The following TFDP2 variants were observed in gnomAD, a reference collection of about 807,000 sequenced individuals.
The protein encoded by TFDP2 is transcription factor Dp-2 (E2F dimerization partner 2).
A neutral mutation model predicts 59.3 loss-of-function variants in TFDP2; 17 were observed. The observed-to-expected ratio is 0.29, with a 90% CI of 0.20 to 0.43. The LOEUF is 0.43. Among genes scored for constraint, TFDP2 ranks in the 20% least tolerant of loss-of-function variants. The pLI is 1.00. For synonymous variants in TFDP2, 180 were observed against 194.7 expected (o/e 0.92, Z 0.63); for missense variants, 391 against 528.8 (o/e 0.74, Z 2.56).
intron 2 of TFDP2, among the ~76,000 whole-genome samples, chr3:142,095,757 C>A (rs1214591009): frequency 1.3e-5 from 2 of 152,116 alleles, no homozygotes; most frequent in African/African-American, 4.8e-5. Context: ...ACTAATAACT[C>A]CCCCCTCCTT....
chr3:142,097,988 T>C (rs2061214786), intron 2 of TFDP2, among the ~76,000 whole-genome samples: 1 of 152,128 alleles, frequency 6.6e-6, no homozygotes, highest in African/African-American at 2.4e-5. Context: ...AGATGGGGTT[T>C]TACCATGTTG....
chr3:142,142,477 C>T (rs1011297341), intron 1 of TFDP2, among the ~76,000 whole-genome samples: 13 of 152,104 alleles, frequency 8.5e-5, no homozygotes, highest in African/African-American at 2.9e-4. Context: ...GAAAAATATT[C>T]CATGTTCATG....
At chr3:142,128,830 C>T (rs1004822374) in intron 1 of TFDP2, among the ~76,000 whole-genome samples, 3 of 151,362 alleles carry the variant, frequency 2.0e-5, no homozygotes, top group African/African-American at 7.3e-5. Context: ...AGAGTTCTTC[C>T]ATCCAGGAGG....
rs867173048 is a variant in TFDP2, at chr3:142,051,512, G to A, written c.82+41549C>T. On this transcript the variant is annotated intron_variant, in intron 3 of 12. Transcript: ENST00000489671. ...CACTTCAGCCTGGGAGACAGAGAGAGATTCCATCTCAAAAAAAAAAAAACC... is the reference window on the plus strand; with the variant it reads ...CACTTCAGCCTGGGAGACAGAGAGAAATTCCATCTCAAAAAAAAAAAAACC... 4.0e-5 allele frequency among the ~76,000 whole-genome samples: 6 copies of A among 149,628 alleles called. No homozygotes were observed. In the Middle Eastern group the frequency reaches 0.017, roughly 427 times the overall value.
chr3:142,005,626 T>C (rs1560016664), intron 3 of TFDP2, 82 bp from the exon 4 acceptor site: 9 of 852,900 alleles, frequency 1.1e-5, no homozygotes, highest in Non-Finnish European at 1.6e-5. Context: ...ATGGTCCTAA[T>C]TCATTATGTT....
chr3:142,010,246 T>A (rs1944551346), intron 3 of TFDP2, among the ~76,000 whole-genome samples: 1 of 152,132 alleles, frequency 6.6e-6, no homozygotes, highest in South Asian at 2.1e-4. Flanking sequence ...CATATAAAAA[T>A]AAATCCGGTA....
At chr3:142,009,712 C>CAAA (rs755542797) in intron 3 of TFDP2, among the ~76,000 whole-genome samples, 5 of 79,376 alleles carry the variant, frequency 6.3e-5, no homozygotes, top group Non-Finnish European at 7.7e-5. Context: ...GACTCTGTCT[C>CAAA]AAAAAAAAAA....
intron 1 of TFDP2, among the ~76,000 whole-genome samples, chr3:142,126,955 A>AG (rs1164975363): frequency 6.6e-6 from 1 of 150,914 alleles, no homozygotes; most frequent in Non-Finnish European, 1.5e-5. Flanking sequence ...CAAAAAAAAA[A>AG]AAAAAAAAAT....
chr3:142,109,283 G>C (rs1180386161), intron 1 of TFDP2, among the ~76,000 whole-genome samples: 1 of 151,996 alleles, frequency 6.6e-6, no homozygotes, highest in Non-Finnish European at 1.5e-5. Flanking sequence ...GAAAATGAAA[G>C]GCCATGCAGA....
At chr3:141,970,520 G>T (rs955206412) in intron 8 of TFDP2, among the ~76,000 whole-genome samples, 4 of 152,166 alleles carry the variant, frequency 2.6e-5, no homozygotes, top group Admixed American at 2.0e-4. Flanking sequence ...AAAACCTTAT[G>T]AGTTAAGTCC....
At chr3:142,068,001 C>CT (rs995078457) in intron 3 of TFDP2, among the ~76,000 whole-genome samples, 1 of 133,924 alleles carries the variant, frequency 7.5e-6, no homozygotes, top group Non-Finnish European at 1.6e-5. Flanking sequence ...AAGACTCTAG[C>CT]TTAAAAAAAA....
In TFDP2 at chr3:141,952,686, C is replaced by T. The variant is rs1449821612; in HGVS notation, c.1168G>A (p.Gly390Arg). Residue 390 changes from glycine (G) to arginine (R), a missense_variant, in exon 13 of 13, where the codon GGG (glycine) becomes AGG (arginine). Physicochemically the swap from Gly to Arg is moderately radical, Grantham distance 125 (BLOSUM62 -2). Transcript: ENST00000489671. The part of the protein sequence containing the change: ...ATLPQSSVNQ[G>R]LCLDAEVALA... ...GCCACTTCTGCATCCAAGCATAACC[C>T]TTGGTTTACACTAGCAAACAATTAA... 1.2e-6 allele frequency: 2 copies of T among 1,609,766 alleles called. No individual in the cohort carries two copies. The highest frequency in any genetic ancestry group is 3.4e-5 in the Admixed American group (2 of 58,372).
intron 3 of TFDP2, among the ~76,000 whole-genome samples, chr3:142,025,372 T>G (rs530924587): frequency 1.3e-5 from 2 of 152,392 alleles, no homozygotes; most frequent in South Asian, 4.1e-4. Context: ...CATCTTAAAA[T>G]AATTCAACTG....
At position 141,952,986 on chromosome 3, in the gene TFDP2, T is replaced by C; in HGVS notation, c.1082A>G (p.Gln361Arg). ...TTGGGTAGAGTTCAGAAGTAGTCCC[T>C]GATTTAACCAAGAAGGTCCTGTGGA... ...DISTGPSWLN[Q>R]GLLLNSTQSV... Residue 361 changes from glutamine (Q) to arginine (R), a missense_variant, in exon 12 of 13, where the codon CAG (glutamine) becomes CGG (arginine). Gln to Arg is a conservative substitution (Grantham distance 43). This residue lies in a region of TFDP2 where 223 missense variants were observed against 292.5 expected (regional missense o/e 0.76). Transcript: ENST00000489671. 1 of 1,614,104 alleles carries C rather than the reference T, an allele frequency of 6.2e-7. No individual in the cohort carries two copies. Among genetic ancestry groups the C allele is most frequent in the African/African-American group, 1.3e-5 (1 of 75,042 alleles).
chr3:142,038,734 T>A (rs1251635011), intron 3 of TFDP2, among the ~76,000 whole-genome samples: 1 of 151,720 alleles, frequency 6.6e-6, no homozygotes, highest in Non-Finnish European at 1.5e-5. Flanking sequence ...TGATACATAT[T>A]TTTTTTTACA....
intron 3 of TFDP2, among the ~76,000 whole-genome samples, chr3:142,037,933 GT>G (rs1946763815): frequency 6.6e-6 from 1 of 152,128 alleles, no homozygotes; most frequent in African/African-American, 2.4e-5. Context: ...TAATAAACAT[GT>G]CTCCACCCAC....
intron 3 of TFDP2, among the ~76,000 whole-genome samples, chr3:142,044,471 T>C (rs1358295058): frequency 6.6e-6 from 1 of 152,040 alleles, no homozygotes; most frequent in Non-Finnish European, 1.5e-5. Flanking sequence ...GTTGACCTCA[T>C]GATCTGCCCA....
intron 4 of TFDP2, among the ~76,000 whole-genome samples, chr3:141,999,873 C>A (rs1288061905): frequency 6.6e-6 from 1 of 151,898 alleles, no homozygotes; most frequent in African/African-American, 2.4e-5. Flanking sequence ...GTAGCTGGGA[C>A]TACAGGCGCC....
intron 1 of TFDP2, among the ~76,000 whole-genome samples, chr3:142,139,843 TC>T (rs2062873437): frequency 6.6e-6 from 1 of 152,202 alleles, no homozygotes; most frequent in Non-Finnish European, 1.5e-5. Context: ...CAGTTATGTA[TC>T]TTGGGGTTGC....
Sources: allele counts gnomAD v4.1 joint callset (sites outside exome capture counted in the v4.1 genomes callset), GRCh38; gene constraint gnomAD v4.1.1; regional missense constraint gnomAD v4.1.1; transcripts MANE v1.5; gene names NCBI Gene and HGNC (gene_info 2026-07-23, HGNC 2026-07-21).